The following RBFOX1 variants were observed in gnomAD, a reference collection of about 807,000 sequenced individuals.
RBFOX1 encodes RNA binding fox-1 homolog 1, also known as RNA binding protein fox-1 homolog 1.
RBFOX1 carries 8 observed loss-of-function variants against 57.7 expected under a neutral mutation model. The ratio of observed to expected loss-of-function variants is 0.14; its 90% confidence interval spans 0.08 to 0.25. The LOEUF (loss-of-function observed/expected upper bound fraction) is 0.25. RBFOX1 is among the 10% of genes least tolerant of loss of function. The pLI, the probability that RBFOX1 is intolerant of heterozygous loss-of-function variation, is 1.00. For missense variants in RBFOX1, 611 were observed against 548.5 expected, an observed-to-expected ratio of 1.11 and a Z score of -1.14; for synonymous variants, 326 against 222.4, an observed-to-expected ratio of 1.47 and a Z score of -4.15.
chr16:5,704,268 A>C (rs2051156249), intron 3 of RBFOX1, among the ~76,000 whole-genome samples: 1 of 152,182 alleles, frequency 6.6e-6, no homozygotes, highest in South Asian at 2.1e-4. Flanking sequence ...TGCAAAGAGA[A>C]GCCCCAGCCA....
intron 4 of RBFOX1, among the ~76,000 whole-genome samples, chr16:7,391,247 C>G (rs999361202): frequency 1.3e-5 from 2 of 152,158 alleles, no homozygotes; most frequent in East Asian, 1.9e-4. Context: ...AGGCCAGTCT[C>G]TTTTTAGAAT....
chr16:6,494,912 C>A (rs544092607), intron 2 of RBFOX1, among the ~76,000 whole-genome samples: 11 of 152,236 alleles, frequency 7.2e-5, no homozygotes, highest in African/African-American at 2.4e-4. Flanking sequence ...GTATTCTAAG[C>A]CTGTTATGTA....
At chr16:7,105,998 C>G (rs1331056130) in intron 4 of RBFOX1, among the ~76,000 whole-genome samples, 1 of 152,128 alleles carries the variant, frequency 6.6e-6, no homozygotes, top group Non-Finnish European at 1.5e-5. Flanking sequence ...CTACTCAGTC[C>G]AGGAGGATTT....
At chr16:6,303,876 A>G (rs1036444563) in intron 1 of RBFOX1, among the ~76,000 whole-genome samples, 1 of 129,600 alleles carries the variant, frequency 7.7e-6, no homozygotes, top group African/African-American at 3.0e-5. Context: ...CAATGGCGCT[A>G]TCTCAGCTCA....
intron 4 of RBFOX1, among the ~76,000 whole-genome samples, chr16:7,120,826 T>TACAC (rs1358272604): frequency 3.9e-4 from 14 of 35,480 alleles, no homozygotes; most frequent in South Asian, 8.4e-4. Flanking sequence ...TATATATGTA[T>TACAC]ATATACACAC....
At chr16:5,965,467 A>C (rs2059825043) in intron 4 of RBFOX1, among the ~76,000 whole-genome samples, 1 of 152,176 alleles carries the variant, frequency 6.6e-6, no homozygotes, top group Non-Finnish European at 1.5e-5. Flanking sequence ...GGGGTGGGGA[A>C]ACCAATCAAG....
chr16:7,201,005 G>A (rs190927008), intron 4 of RBFOX1, among the ~76,000 whole-genome samples: 10 of 152,276 alleles, frequency 6.6e-5, no homozygotes, highest in Admixed American at 5.2e-4. Context: ...TTTTGTTTAA[G>A]CCACCATTAT....
At chr16:7,476,914 C>T (rs1447074708) in intron 4 of RBFOX1, among the ~76,000 whole-genome samples, 1 of 152,070 alleles carries the variant, frequency 6.6e-6, no homozygotes, top group Non-Finnish European at 1.5e-5. Context: ...TGGCTTTTTC[C>T]CCCAAAGCTT....
chr16:5,543,882 CAACAA>C (rs1316724015), intron 2 of RBFOX1, among the ~76,000 whole-genome samples: 1 of 151,944 alleles, frequency 6.6e-6, no homozygotes, highest in Non-Finnish European at 1.5e-5. Context: ...GGGAGTAAAA[CAACAA>C]AACAAAAATA....
chr16:6,864,294 C>G (rs974227153), intron 3 of RBFOX1, among the ~76,000 whole-genome samples: 35 of 152,232 alleles, frequency 2.3e-4, no homozygotes, highest in African/African-American at 8.4e-4. Flanking sequence ...TTAGAGAACA[C>G]ACTTCATTCT....
At chr16:5,749,673 A>G (rs570527000) in intron 3 of RBFOX1, among the ~76,000 whole-genome samples, 441 of 152,310 alleles carry the variant, frequency 2.9e-3, no homozygotes, top group Non-Finnish European at 4.7e-3. Context: ...GCTGAAGCTT[A>G]TGCATTCGTC....
chr16:7,381,752 A>G (rs146930499), intron 4 of RBFOX1, among the ~76,000 whole-genome samples: 9 of 152,304 alleles, frequency 5.9e-5, no homozygotes, highest in Admixed American at 2.6e-4. Flanking sequence ...TGGCGTAGGC[A>G]TTTGGATACT....
intron 4 of RBFOX1, among the ~76,000 whole-genome samples, chr16:6,005,452 G>A (rs1262174953): frequency 6.6e-6 from 1 of 152,220 alleles, no homozygotes; most frequent in Non-Finnish European, 1.5e-5. Context: ...GGAGCTCATG[G>A]TCTAGCTGGG....
At chr16:6,416,134 T>C (rs1356356418) in intron 2 of RBFOX1, among the ~76,000 whole-genome samples, 1 of 152,204 alleles carries the variant, frequency 6.6e-6, no homozygotes, top group African/African-American at 2.4e-5. Flanking sequence ...CGTGTCTACT[T>C]TTTGGAACAT....
chr16:6,384,624 T>G (rs1035709386), intron 2 of RBFOX1, among the ~76,000 whole-genome samples: 1 of 152,222 alleles, frequency 6.6e-6, no homozygotes, highest in Non-Finnish European at 1.5e-5. Flanking sequence ...CGTCTCCTTT[T>G]GCAATTACAG....
At chr16:6,022,993 C>T (rs1305198117) in intron 1 of RBFOX1, among the ~76,000 whole-genome samples, 2 of 152,060 alleles carry the variant, frequency 1.3e-5, no homozygotes, top group Non-Finnish European at 2.9e-5. Context: ...ATTCGGGGAT[C>T]TAAAATCGTC....
intron 4 of RBFOX1, among the ~76,000 whole-genome samples, chr16:7,496,894 G>C (rs145335134): frequency 1.3e-5 from 2 of 152,208 alleles, no homozygotes; most frequent in African/African-American, 4.8e-5. Context: ...GAAAAAATTA[G>C]GATTAGAGTC....
intron 2 of RBFOX1, among the ~76,000 whole-genome samples, chr16:6,554,707 T>C (rs1449077468): frequency 6.7e-6 from 1 of 150,292 alleles, no homozygotes; most frequent in African/African-American, 2.5e-5. Context: ...GTCCATCCTC[T>C]GGCCTCCAGT....
At chr16:5,625,320 C>T (rs905312719) in intron 3 of RBFOX1, among the ~76,000 whole-genome samples, 2 of 151,802 alleles carry the variant, frequency 1.3e-5, no homozygotes, top group Admixed American at 1.3e-4. Flanking sequence ...GAGGGTGGTC[C>T]CCAGCTGTCA....
Sources: gnomAD v4.1 joint callset for allele counts (sites outside exome capture counted in the v4.1 genomes callset) on GRCh38, gnomAD v4.1.1 for gene constraint, MANE v1.5 for transcripts, NCBI Gene and HGNC (gene_info 2026-07-23, HGNC 2026-07-21) for gene names.